EPHA3: variants seen among roughly 807,000 people sequenced by gnomAD.
EPHA3 encodes the protein ephrin type-A receptor 3.
In EPHA3, 42 loss-of-function variants were observed where a neutral mutation model predicts 107.1. That is an observed-to-expected ratio of 0.39 (90% CI 0.31 to 0.51). The LOEUF (loss-of-function observed/expected upper bound fraction) is 0.51. EPHA3 is among the 20% of genes least tolerant of loss of function. The pLI is 0.78. For synonymous variants in EPHA3, 461 were observed against 424.8 expected (o/e 1.09, Z -1.05); for missense variants, 1,183 against 1,211.2 (o/e 0.98, Z 0.35).
chr3:89,472,384 C>A (rs1005321175), intron 15 of EPHA3, 80 bp from the exon 16 acceptor site: 1 of 1,425,346 alleles, frequency 7.0e-7, no homozygotes, highest in Non-Finnish European at 9.6e-7. Context: ...AAGTTCCTGC[C>A]GATGTTAGTG....
chr3:89,319,579 A>G (rs774259556), intron 3 of EPHA3, among the ~76,000 whole-genome samples: 2 of 151,892 alleles, frequency 1.3e-5, no homozygotes, highest in African/African-American at 4.8e-5. Flanking sequence ...GAGTGGTGAA[A>G]AAACTGAAGC....
At chr3:89,395,723 G>T in intron 5 of EPHA3, 114 bp from the exon 6 acceptor site, 1 of 1,299,740 alleles carries the variant, frequency 7.7e-7, no homozygotes, top group East Asian at 2.4e-5. Context: ...CAAAAAACTG[G>T]AACAATGATA....
At chr3:89,320,497 C>T (rs939207329) in intron 3 of EPHA3, among the ~76,000 whole-genome samples, 1 of 151,934 alleles carries the variant, frequency 6.6e-6, no homozygotes, top group African/African-American at 2.4e-5. Context: ...AATCATTGAG[C>T]CATCTTGTGT....
At chr3:89,137,520 G>A (rs1467177251) in intron 2 of EPHA3, among the ~76,000 whole-genome samples, 5 of 151,932 alleles carry the variant, frequency 3.3e-5, no homozygotes, top group Admixed American at 1.3e-4. Flanking sequence ...CCAAATGATA[G>A]TCATTGAACC....
At position 89,419,405 on chromosome 3, in the gene EPHA3, C is replaced by A. The variant is rs1473319808; in HGVS notation, c.2074+15C>A. On this transcript the variant is annotated intron_variant, in intron 11 of 16. Transcript: ENST00000336596. Reference sequence around the variant, plus strand: ...TGTTACCAAAAGTAAGTAAAGTAGTCATAAGACCTGTGTTTCCGTATGTTG... The same window carrying A: ...TGTTACCAAAAGTAAGTAAAGTAGTAATAAGACCTGTGTTTCCGTATGTTG... 1 of 1,563,962 alleles carries A rather than the reference C, an allele frequency of 6.4e-7. No homozygotes were observed. Among genetic ancestry groups the A allele is most frequent in the Admixed American group, 1.9e-5 (1 of 51,542 alleles).
intron 3 of EPHA3, among the ~76,000 whole-genome samples, chr3:89,223,699 T>C (rs1704436356): frequency 6.6e-6 from 1 of 152,224 alleles, no homozygotes; most frequent in African/African-American, 2.4e-5. Flanking sequence ...CTTGACTTTA[T>C]ACATTTGGAT....
chr3:89,439,601 G>C (rs975783585), intron 13 of EPHA3, among the ~76,000 whole-genome samples: 4 of 151,916 alleles, frequency 2.6e-5, no homozygotes, highest in African/African-American at 9.7e-5. Context: ...ACTTTGAAAT[G>C]AATCACTATA....
At chr3:89,344,437 G>A (rs1707597316) in intron 5 of EPHA3, among the ~76,000 whole-genome samples, 1 of 152,084 alleles carries the variant, frequency 6.6e-6, no homozygotes, top group Non-Finnish European at 1.5e-5. Context: ...GCACCACCAG[G>A]CATTTTATAT....
chr3:89,234,088 A>G (rs1311736796), intron 3 of EPHA3, among the ~76,000 whole-genome samples: 1 of 152,230 alleles, frequency 6.6e-6, no homozygotes, highest in African/African-American at 2.4e-5. Context: ...AAAGGCAAAT[A>G]ACATAGAGTA....
intron 3 of EPHA3, among the ~76,000 whole-genome samples, chr3:89,247,618 G>T (rs917486407): frequency 6.6e-6 from 1 of 152,162 alleles, no homozygotes; most frequent in Non-Finnish European, 1.5e-5. Context: ...CTTGGAAAAA[G>T]AAGTCTAGGT....
chr3:89,336,136 A>C (rs1193032590), intron 3 of EPHA3, among the ~76,000 whole-genome samples: 1 of 152,240 alleles, frequency 6.6e-6, no homozygotes, highest in Non-Finnish European at 1.5e-5. Flanking sequence ...AAAAGGAAAG[A>C]AAGCACATTA....
intron 2 of EPHA3, among the ~76,000 whole-genome samples, chr3:89,145,631 CT>C (rs1704539287): frequency 6.6e-6 from 1 of 151,662 alleles, no homozygotes; most frequent in African/African-American, 2.4e-5. Flanking sequence ...TTAAAATCTG[CT>C]TTTTCTATAT....
chr3:89,188,262 T>C (rs1190772510), intron 2 of EPHA3, among the ~76,000 whole-genome samples: 1 of 152,182 alleles, frequency 6.6e-6, no homozygotes. Flanking sequence ...TCTCGTTCTA[T>C]CATAGGCACG....
chr3:89,233,970 A>G (rs1161404432), intron 3 of EPHA3, among the ~76,000 whole-genome samples: 1 of 152,196 alleles, frequency 6.6e-6, no homozygotes, highest in East Asian at 1.9e-4. Context: ...TTGGGCTTGC[A>G]GTTAAAGTGG....
At chr3:89,432,028 G>A (rs1290534615) in intron 13 of EPHA3, among the ~76,000 whole-genome samples, 3 of 152,008 alleles carry the variant, frequency 2.0e-5, no homozygotes, top group East Asian at 3.9e-4. Context: ...GTAGTAGGTT[G>A]CTGTATTCTA....
At chr3:89,194,863 C>A (rs563966853) in intron 2 of EPHA3, among the ~76,000 whole-genome samples, 95 of 152,062 alleles carry the variant, frequency 6.2e-4, no homozygotes, top group Non-Finnish European at 1.2e-3. Context: ...GCAGTATATA[C>A]CATGCCGAAC....
At chr3:89,231,195 T>TTACC (rs1249451191) in intron 3 of EPHA3, among the ~76,000 whole-genome samples, 1 of 152,148 alleles carries the variant, frequency 6.6e-6, no homozygotes, top group Admixed American at 6.6e-5. Context: ...GAGAAACTAT[T>TTACC]TACCTGCCAT....
chr3:89,372,412 A>C (rs1389457815), intron 5 of EPHA3, among the ~76,000 whole-genome samples: 1 of 151,644 alleles, frequency 6.6e-6, no homozygotes, highest in African/African-American at 2.4e-5. Flanking sequence ...TATTTTTAAA[A>C]ACACAGCAGC....
chr3:89,480,132 T>G lies in EPHA3; in HGVS notation c.*630T>G. 4.3e-6 allele frequency: 1 copy of G among 233,002 alleles called. No individual in the cohort carries two copies. Among genetic ancestry groups the G allele is most frequent in the Non-Finnish European group, 8.5e-6 (1 of 117,658 alleles). 14.4% of individuals were successfully genotyped at this position (233,002 alleles called of 1,614,324 possible). The stretch of plus-strand genomic sequence containing the variant: ...GAAATGTCTTAATTTTTGAAAAAAG[T>G]ACATATTTATTTTCTTTTGAATTGT... On this transcript the variant is annotated 3_prime_UTR_variant, in exon 17 of 17. Coordinates refer to ENST00000336596, the MANE Select transcript of EPHA3 (RefSeq NM_005233.6).
Sources: gnomAD v4.1 joint callset for allele counts (sites outside exome capture counted in the v4.1 genomes callset) on GRCh38, gnomAD v4.1.1 for gene constraint, MANE v1.5 for transcripts, NCBI Gene and HGNC (gene_info 2026-07-23, HGNC 2026-07-21) for gene names.